Variants in SOCS2 observed in about 807,000 individuals in gnomAD.
SOCS2 encodes the protein suppressor of cytokine signaling 2, also known as CIS-2.
SOCS2 carries 10 observed loss-of-function variants against 18.6 expected under a neutral mutation model. The ratio of observed to expected loss-of-function variants is 0.54; its 90% CI spans 0.33 to 0.91. SOCS2 has a LOEUF of 0.91. Ranked by LOEUF, SOCS2 falls within the 40% of genes least tolerant of loss-of-function variation. The pLI is 0.02. For synonymous variants in SOCS2, 104 were observed against 104.0 expected (o/e 1.00, Z 0.00); for missense variants, 231 against 247.2 (o/e 0.93, Z 0.44).
the SOCS2 span, among the ~76,000 whole-genome samples, chr12:93,614,603 CTTTCTTT>C: frequency 1.8e-5 from 2 of 109,146 alleles, no homozygotes; most frequent in African/African-American, 7.9e-5. Flanking sequence ...TTCTTTCTTT[CTTTCTTT>C]CTTTCTTTCT....
At chr12:93,609,388 A>C in the SOCS2 span, among the ~76,000 whole-genome samples, 1 of 152,156 alleles carries the variant, frequency 6.6e-6, no homozygotes, top group African/African-American at 2.4e-5. Flanking sequence ...GTGAAACTCC[A>C]TCTCAAAAAT....
chr12:93,596,966 G>A, the SOCS2 span, among the ~76,000 whole-genome samples: 3 of 152,124 alleles, frequency 2.0e-5, no homozygotes, highest in Non-Finnish European at 4.4e-5. Context: ...ATTTCATGTG[G>A]TCTATATCTC....
the SOCS2 span, among the ~76,000 whole-genome samples, chr12:93,625,763 A>T: frequency 6.6e-5 from 10 of 151,986 alleles, no homozygotes; most frequent in African/African-American, 2.4e-4. Flanking sequence ...AAAAAAAAAA[A>T]AAAGAGAATT....
Position 93,574,722 on chromosome 12 carries a change from G to T in SOCS2, c.140G>T (p.Gly47Val), listed in dbSNP as rs201377221. 1.2e-5 allele frequency: 19 copies of T among 1,596,340 alleles called. No individual in the cohort carries two copies. The highest frequency in any genetic ancestry group is 8.5e-7 in the Non-Finnish European group (1 of 1,170,154). The change falls in exon 2 of 2, where the codon GGA (glycine) becomes GTA (valine). Residue 47 changes from glycine to valine, a missense_variant and splice_region_variant. Gly to Val is a moderately radical substitution (Grantham distance 109, BLOSUM62 -3). Transcript: ENST00000551556. The stretch of plus-strand genomic sequence containing the variant: ...TTTTCTTTTTGAACAAAAACCCCAG[G>T]ATGGTACTGGGGAAGTATGACTGTT... ...AKALRELGQT[G>V]WYWGSMTVNE...
chr12:93,609,879 C>T, the SOCS2 span, among the ~76,000 whole-genome samples: 2 of 152,142 alleles, frequency 1.3e-5, no homozygotes, highest in African/African-American at 4.8e-5. Context: ...AGTCCAATGT[C>T]AAGGTGCTGA....
the SOCS2 span, among the ~76,000 whole-genome samples, chr12:93,602,979 G>A: frequency 6.6e-6 from 1 of 152,158 alleles, no homozygotes; most frequent in South Asian, 2.1e-4. Flanking sequence ...TTACTGGGTT[G>A]TCCAAACTTC....
At chr12:93,611,988 C>A in the SOCS2 span, among the ~76,000 whole-genome samples, 11 of 152,150 alleles carry the variant, frequency 7.2e-5, no homozygotes, top group South Asian at 2.3e-3. Flanking sequence ...ACTGGTTATA[C>A]TTTTGATTGA....
At chr12:93,593,597 G>C in the SOCS2 span, among the ~76,000 whole-genome samples, 1 of 152,140 alleles carries the variant, frequency 6.6e-6, no homozygotes, top group Admixed American at 6.5e-5. Flanking sequence ...AATGATCATA[G>C]TAGCATCCCA....
chr12:93,579,962 T>G (rs191168842), downstream of SOCS2, among the ~76,000 whole-genome samples: 1 of 152,366 alleles, frequency 6.6e-6, no homozygotes, highest in Admixed American at 6.5e-5. Context: ...GCATTCTGAC[T>G]TGCCCTAGAT....
chr12:93,586,483 CA>C (rs1480756425), downstream of SOCS2, among the ~76,000 whole-genome samples: 2 of 152,186 alleles, frequency 1.3e-5, no homozygotes, highest in African/African-American at 4.8e-5. Context: ...AAATTCCAGA[CA>C]ACTGGTTTGC....
the SOCS2 span, among the ~76,000 whole-genome samples, chr12:93,623,915 G>A: frequency 5.9e-5 from 9 of 152,152 alleles, no homozygotes; most frequent in South Asian, 2.1e-4. Context: ...TTGTTGGCCC[G>A]GCTGGTCTTG....
At chr12:93,592,651 G>A in the SOCS2 span, among the ~76,000 whole-genome samples, 5 of 152,134 alleles carry the variant, frequency 3.3e-5, no homozygotes, top group African/African-American at 1.2e-4. Flanking sequence ...CATAGCTGAG[G>A]GTTTTCCTTA....
chr12:93,600,405 A>G, the SOCS2 span, among the ~76,000 whole-genome samples: 1 of 151,528 alleles, frequency 6.6e-6, no homozygotes, highest in African/African-American at 2.4e-5. Flanking sequence ...TAACTTTGCT[A>G]TCTAGTGTGG....
chr12:93,617,302 G>C, the SOCS2 span, among the ~76,000 whole-genome samples: 1 of 152,146 alleles, frequency 6.6e-6, no homozygotes, highest in Non-Finnish European at 1.5e-5. Flanking sequence ...CTCAGGTACT[G>C]ATAAATTTCA....
At chr12:93,620,484 C>T in the SOCS2 span, among the ~76,000 whole-genome samples, 1 of 151,930 alleles carries the variant, frequency 6.6e-6, no homozygotes, top group East Asian at 1.9e-4. Context: ...GGCACGATCT[C>T]GACTCACTGC....
the SOCS2 span, among the ~76,000 whole-genome samples, chr12:93,621,527 G>A: frequency 6.6e-6 from 1 of 152,042 alleles, no homozygotes; most frequent in Non-Finnish European, 1.5e-5. Flanking sequence ...CTATCACCCA[G>A]GCACAGTGGA....
the SOCS2 span, among the ~76,000 whole-genome samples, chr12:93,588,783 ATTTTT>A: frequency 6.8e-6 from 1 of 147,632 alleles, no homozygotes; most frequent in Non-Finnish European, 1.5e-5. Flanking sequence ...AGCCTAGCTA[ATTTTT>A]TTTTTTTATT....
chr12:93,611,681 G>C, the SOCS2 span, among the ~76,000 whole-genome samples: 1 of 152,106 alleles, frequency 6.6e-6, no homozygotes, highest in Non-Finnish European at 1.5e-5. Context: ...AGCCCCAGGA[G>C]TCATATTTTA....
At chr12:93,573,179 A>G in intron 1 of SOCS2, 143 bp downstream of exon 1, 1 of 1,121,142 alleles carries the variant, frequency 8.9e-7, no homozygotes, top group East Asian at 2.6e-5. Flanking sequence ...GCACGCTCGC[A>G]GGGTCCTGGG....
Sources: gnomAD v4.1 joint callset for allele counts (sites outside exome capture counted in the v4.1 genomes callset) on GRCh38, gnomAD v4.1.1 for gene constraint, MANE v1.5 for transcripts, NCBI Gene and HGNC (gene_info 2026-07-23, HGNC 2026-07-21) for gene names.